Variants in TTC7B observed in about 807,000 individuals in gnomAD.
The protein encoded by TTC7B is tetratricopeptide repeat protein 7B.
TTC7B carries 28 observed loss-of-function variants against 106.8 expected under a neutral mutation model. The ratio of observed to expected loss-of-function variants is 0.26; its 90% confidence interval spans 0.19 to 0.36. The LOEUF is 0.36. TTC7B is among the 10% of genes least tolerant of loss of function. TTC7B has a pLI of 1.00. For synonymous variants in TTC7B, 405 were observed against 430.6 expected (o/e 0.94, Z 0.74); for missense variants, 862 against 1,076.4 (o/e 0.80, Z 2.79).
At chr14:90,618,986 C>A (rs1443237512) in intron 15 of TTC7B, among the ~76,000 whole-genome samples, 1 of 152,192 alleles carries the variant, frequency 6.6e-6, no homozygotes, top group Non-Finnish European at 1.5e-5. Flanking sequence ...TCACTGCAAC[C>A]TCTACCTCCT....
intron 17 of TTC7B, among the ~76,000 whole-genome samples, chr14:90,609,305 G>A (rs566271085): frequency 2.6e-5 from 4 of 152,198 alleles, no homozygotes; most frequent in East Asian, 1.9e-4. Flanking sequence ...ACCAATTTAC[G>A]ATTTGTGCCG....
chr14:90,787,561 A>C (rs1891434946), intron 1 of TTC7B, among the ~76,000 whole-genome samples: 1 of 152,168 alleles, frequency 6.6e-6, no homozygotes, highest in Non-Finnish European at 1.5e-5. Flanking sequence ...TAAAAAGAAG[A>C]CTAGATTTAC....
intron 1 of TTC7B, among the ~76,000 whole-genome samples, chr14:90,791,798 G>A (rs1300379466): frequency 6.6e-6 from 1 of 152,100 alleles, no homozygotes; most frequent in Non-Finnish European, 1.5e-5. Flanking sequence ...CGCCACACAA[G>A]GCTTGCTAGA....
rs1889226634 is a variant in TTC7B, at chr14:90,529,294, A to G, written c.*12074T>C. 1 of 152,410 alleles carries G rather than the reference A, an allele frequency of 6.6e-6. No homozygotes were observed. Among genetic ancestry groups the G allele is most frequent in the African/African-American group, 2.4e-5 (1 of 41,436 alleles). The allele number at this position is 152,410 out of a possible 1,614,324, so 9.4% of individuals were successfully genotyped here. A position where few individuals can be genotyped will look rare whatever the true frequency, so the allele number is the denominator to read the frequency against. On this transcript the variant is annotated 3_prime_UTR_variant, in exon 20 of 20. Coordinates refer to ENST00000328459, the MANE Select transcript of TTC7B (RefSeq NM_001010854.2). ...TCAGGGAGAGGCCGTAGCCCTCACC[A>G]CCGCTAATGACTGGCTACCACACAG...
At chr14:90,729,101 A>C (rs1368811688) in intron 5 of TTC7B, among the ~76,000 whole-genome samples, 2 of 152,230 alleles carry the variant, frequency 1.3e-5, no homozygotes, top group Non-Finnish European at 2.9e-5. Context: ...TGTGGACCTC[A>C]GCCAGAGGCC....
chr14:90,602,302 G>A (rs1892457635), intron 17 of TTC7B: 1 of 444,292 alleles, frequency 2.3e-6, no homozygotes, highest in Non-Finnish European at 4.6e-6. Flanking sequence ...GAAGCACTAG[G>A]CAGGAGATGG....
chr14:90,744,817 A>C lies in TTC7B; in HGVS notation c.551T>G (p.Leu184Arg). 6.2e-7 allele frequency: 1 copy of C among 1,614,138 alleles called. No homozygotes were observed. Residue 184 changes from leucine to arginine, a missense_variant, in exon 4 of 20, where the codon CTC becomes CGC. By Grantham distance (102) the Leu-to-Arg change is moderately radical (BLOSUM62 -2). Coordinates refer to ENST00000328459, the MANE Select transcript of TTC7B (RefSeq NM_001010854.2). The part of the protein sequence containing the change: ...TCYEKAGDIA[L>R]LYLQEIERVI... ...CCTTTCTATCTCTTGGAGATACAGG[A>C]GTGCGATGTCCCCTGCTTTCTCATA...
rs2140070751 is a variant in TTC7B, at chr14:90,816,363, C to T, written c.-68G>A. 4.6e-6 allele frequency: 4 copies of T among 865,212 alleles called. No homozygotes were observed. The highest frequency in any genetic ancestry group is 1.3e-4 in the East Asian group (1 of 7,962). The allele number at this position is 865,212 out of a possible 1,614,324, so 53.6% of individuals were successfully genotyped here. On this transcript the variant is annotated 5_prime_UTR_variant, in exon 1 of 20. Coordinates refer to ENST00000328459, the MANE Select transcript of TTC7B (RefSeq NM_001010854.2). ...CGCCGCCGCCGCGGCGCCCCCTCGC[C>T]GCCTCCCGCCGCCGCCGCGGGCTCG...
intron 4 of TTC7B, among the ~76,000 whole-genome samples, chr14:90,740,333 C>T (rs1238793945): frequency 6.6e-6 from 1 of 152,050 alleles, no homozygotes; most frequent in Non-Finnish European, 1.5e-5. Flanking sequence ...GCCCCGGAAG[C>T]ACACAGAAAC....
chr14:90,734,724 C>G (rs1889454581), intron 4 of TTC7B, among the ~76,000 whole-genome samples: 1 of 152,032 alleles, frequency 6.6e-6, no homozygotes, highest in Admixed American at 6.5e-5. Context: ...CCACAGCACT[C>G]CTCCTGGCTA....
rs1018662462 is a variant in TTC7B at position 90,578,826 on chromosome 14, A to G, written c.2108-518T>C. Among the ~76,000 whole-genome samples, 7 of 152,052 alleles carry G rather than the reference A, an allele frequency of 4.6e-5. No individual in the cohort carries two copies. The highest frequency in any genetic ancestry group is 8.8e-5 in the Non-Finnish European group (6 of 67,994). ...ATCATGTTCACAGGCGTGATGCAAG[A>G]TGGCTGCCCCGCCACACCTGGCCCC... On this transcript the variant is annotated intron_variant, in intron 18 of 19. Transcript: ENST00000328459. The surrounding 1 kb of genome is among the most constrained non-coding windows in gnomAD (Gnocchi z 4.7).
At chr14:90,561,960 G>T (rs1202805492) in intron 19 of TTC7B, among the ~76,000 whole-genome samples, 1 of 152,174 alleles carries the variant, frequency 6.6e-6, no homozygotes, top group Middle Eastern at 3.2e-3. Context: ...TTTCCCTCCT[G>T]CTCCCCAAAC....
chr14:90,585,786 A>G (rs1396231071), intron 18 of TTC7B: 1 of 152,260 alleles, frequency 6.6e-6, no homozygotes, highest in African/African-American at 2.4e-5. Flanking sequence ...TCTTGCAAGA[A>G]CTGTGCACCT....
chr14:90,770,324 T>C (rs1439129260), intron 3 of TTC7B, among the ~76,000 whole-genome samples: 1 of 152,166 alleles, frequency 6.6e-6, no homozygotes, highest in Non-Finnish European at 1.5e-5. Flanking sequence ...AATTCTATAA[T>C]AGTAGTTGGA....
intron 19 of TTC7B, among the ~76,000 whole-genome samples, chr14:90,572,151 T>C (rs1036533400): frequency 3.9e-5 from 6 of 152,242 alleles, no homozygotes; most frequent in Admixed American, 6.5e-5. Flanking sequence ...TTTCCCTCGA[T>C]TCCAGCCCTC....
intron 5 of TTC7B, among the ~76,000 whole-genome samples, chr14:90,714,457 A>ATT (rs36072608): frequency 0.03 from 3,889 of 129,244 alleles, 173 homozygotes; most frequent in African/African-American, 0.1. Context: ...AGCTGTATAA[A>ATT]TTTTTTTTTT....
At chr14:90,561,018 C>A (rs146060205) in intron 19 of TTC7B, among the ~76,000 whole-genome samples, 1 of 152,316 alleles carries the variant, frequency 6.6e-6, no homozygotes, top group Non-Finnish European at 1.5e-5. Flanking sequence ...CAGGAAGAGG[C>A]AGATTTTGCT....
chr14:90,766,848 GCT>G (rs1890698113), intron 3 of TTC7B: 1 of 1,596,690 alleles, frequency 6.3e-7, no homozygotes, highest in Admixed American at 1.7e-5. Context: ...TGGACAACAA[GCT>G]CCATGAAGAC....
chr14:90,583,478 TA>T (rs1387697204), intron 18 of TTC7B, among the ~76,000 whole-genome samples: 4 of 152,038 alleles, frequency 2.6e-5, no homozygotes, highest in Admixed American at 2.6e-4. Flanking sequence ...GAATTCAATT[TA>T]AAAAAATAAA....
Sources: gnomAD v4.1 joint callset for allele counts (sites outside exome capture counted in the v4.1 genomes callset) on GRCh38, gnomAD v4.1.1 for gene constraint, Gnocchi (gnomAD v3.1) non-coding constraint, MANE v1.5 for transcripts, NCBI Gene and HGNC (gene_info 2026-07-23, HGNC 2026-07-21) for gene names.